PHLDB1: variants seen among roughly 807,000 people sequenced by gnomAD.
PHLDB1 encodes the protein pleckstrin homology-like domain family B member 1.
In PHLDB1, 65 loss-of-function variants were observed where a neutral mutation model predicts 139.3. The ratio of observed to expected loss-of-function variants is 0.47; its 90% CI spans 0.38 to 0.57. PHLDB1 has a LOEUF of 0.57. PHLDB1 is among the 20% of genes least tolerant of loss of function. The probability of loss-of-function intolerance (pLI) is 0.00; values close to 1 mark genes in which losing one functional copy is unlikely to be tolerated. For missense variants in PHLDB1, 1,624 were observed against 1,839.7 expected, an observed-to-expected ratio of 0.88 and a Z score of 2.14; for synonymous variants, 679 against 734.5, an observed-to-expected ratio of 0.92 and a Z score of 1.22.
intron 7 of PHLDB1, 68 bp downstream of exon 7, chr11:118,631,547 G>A: frequency 7.6e-7 from 1 of 1,308,060 alleles, no homozygotes. Flanking sequence ...GGAGGCTGGT[G>A]TATCCAATGC....
At position 118,632,223 on chromosome 11, in the gene PHLDB1, A is replaced by C. The variant is rs1555111852; in HGVS notation, c.2306A>C (p.Glu769Ala). The change falls in exon 9 of 23, where the codon GAG (glutamate) becomes GCG (alanine). Residue 769 changes from glutamate to alanine, a missense_variant. Physicochemically the swap from Glu to Ala is moderately radical, Grantham distance 107. Coordinates refer to ENST00000600882, the MANE Select transcript of PHLDB1 (RefSeq NM_001144758.3). This position sits in a 1 kb window ranked among gnomAD's most constrained non-coding sequence, Gnocchi z 5.9. Reference protein sequence around the residue: ...REAERALLQKEQKAVDQLQEK... With the variant: ...REAERALLQKAQKAVDQLQEK... Reference sequence around the variant, plus strand: ...GCAGAGCGGGCACTGCTGCAGAAGGAGCAGAAGGCAGTGGATCAGCTGCAG... The same window carrying C: ...GCAGAGCGGGCACTGCTGCAGAAGGCGCAGAAGGCAGTGGATCAGCTGCAG... 1 of 1,614,020 alleles carries C rather than the reference A, an allele frequency of 6.2e-7. No homozygotes were observed. The highest frequency in any genetic ancestry group is 2.2e-5 in the East Asian group (1 of 44,878).
intron 5 of PHLDB1, 128 bp downstream of exon 5, chr11:118,625,187 T>C: frequency 7.2e-6 from 8 of 1,104,262 alleles, no homozygotes; most frequent in Non-Finnish European, 1.0e-5. Context: ...CACTGCCACC[T>C]GCCATGGGCG....
intron 12 of PHLDB1, chr11:118,639,527 G>T: frequency 2.0e-6 from 1 of 488,664 alleles, no homozygotes; most frequent in Non-Finnish European, 3.7e-6. Context: ...CCTGGGTTGG[G>T]TGGGTAGACA....
chr11:118,641,782 A>T lies in PHLDB1; in HGVS notation c.2737-472A>T, dbSNP rs1050874597. 1.4e-5 allele frequency: 18 copies of T among 1,287,806 alleles called. No homozygotes were observed. In the African/African-American group the frequency reaches 2.6e-4, roughly 18 times the overall value. The allele number at this position is 1,287,806 out of a possible 1,614,324, so 79.8% of individuals were successfully genotyped here. A position where few individuals can be genotyped will look rare whatever the true frequency, so the allele number is the denominator to read the frequency against. Reference sequence around the variant, plus strand: ...GTTCGCTTCCATCACGCCTTCACCTAAGGTTGGTGGTTTGTGAGTTCTTGC... The same window carrying T: ...GTTCGCTTCCATCACGCCTTCACCTTAGGTTGGTGGTTTGTGAGTTCTTGC... On this transcript the variant is annotated intron_variant, in intron 12 of 22. Transcript: ENST00000600882.
chr11:118,649,784 T>G (rs1302839162), intron 18 of PHLDB1, among the ~76,000 whole-genome samples: 1 of 152,174 alleles, frequency 6.6e-6, no homozygotes, highest in Non-Finnish European at 1.5e-5. Flanking sequence ...TGTATTCTCT[T>G]TGGCTCAGGA....
intron 1 of PHLDB1, among the ~76,000 whole-genome samples, chr11:118,609,763 C>T (rs1249852460): frequency 6.6e-6 from 1 of 152,244 alleles, no homozygotes; most frequent in Non-Finnish European, 1.5e-5. Flanking sequence ...CCCAACACTG[C>T]GGCCTTGTCC....
Position 118,613,556 on chromosome 11 carries a change from TG to T in PHLDB1, c.-21-257del, listed in dbSNP as rs1326388714. On this transcript the variant is annotated intron_variant, in intron 1 of 22. Coordinates refer to ENST00000600882, the MANE Select transcript of PHLDB1 (RefSeq NM_001144758.3). ...GGCAAGAAAGCACAGAAGTATAGAT[TG>T]GGCCCTATGGGACTGTTTGTGCTTA... 4.0e-6 allele frequency: 3 copies of T among 751,230 alleles called. No individual in the cohort carries two copies. In the East Asian group the frequency reaches 1.6e-4, roughly 40 times the overall value. 46.5% of individuals were successfully genotyped at this position (751,230 alleles called of 1,614,324 possible). A position where few individuals can be genotyped will look rare whatever the true frequency, so the allele number is the denominator to read the frequency against.
At position 118,657,941 on chromosome 11, in the gene PHLDB1, T is replaced by G; in HGVS notation, c.*1118T>G. 1.2e-5 allele frequency: 3 copies of G among 251,902 alleles called. No homozygotes were observed. Among genetic ancestry groups the G allele is most frequent in the East Asian group, 8.3e-5 (1 of 12,032 alleles). 15.6% of individuals were successfully genotyped at this position (251,902 alleles called of 1,614,324 possible). Reference sequence around the variant, plus strand: ...ACCTCCCCTGCTCTCCTTCCCAGCATTGAGCCCTTGGTTGCCTGGGCCCAG... The same window carrying G: ...ACCTCCCCTGCTCTCCTTCCCAGCAGTGAGCCCTTGGTTGCCTGGGCCCAG... On this transcript the variant is annotated 3_prime_UTR_variant, in exon 23 of 23. Coordinates refer to ENST00000600882, the MANE Select transcript of PHLDB1 (RefSeq NM_001144758.3).
In PHLDB1 at chr11:118,614,672, G is replaced by A. The variant is rs145504206; in HGVS notation, c.174G>A (p.Pro58=). The change falls in exon 3 of 23, where the codon CCG becomes CCA. Residue 58 remains proline (P), a synonymous_variant. Coordinates refer to ENST00000600882, the MANE Select transcript of PHLDB1 (RefSeq NM_001144758.3). ...TCAGCACAGCCATCACCCTCCTGCC[G>A]CTGGAGGAAGGTAAGTGTGAACAGG... ...GRLSTAITLL[P]LEEGRTVIGS... 1.4e-5 allele frequency: 22 copies of A among 1,613,536 alleles called. No individual in the cohort carries two copies. The highest frequency in any genetic ancestry group is 6.7e-5 in the Admixed American group (4 of 59,958).
At chr11:118,633,398 C>G (rs1591619387) in intron 9 of PHLDB1, 1 of 152,228 alleles carries the variant, frequency 6.6e-6, no homozygotes, top group African/African-American at 2.4e-5. Flanking sequence ...ATTGGAAATG[C>G]CTAGGCTGCT....
intron 1 of PHLDB1, 137 bp from the exon 2 acceptor site, chr11:118,613,679 A>G (rs1940967856): frequency 8.1e-6 from 5 of 618,112 alleles, no homozygotes; most frequent in Non-Finnish European, 1.4e-5. Context: ...AGCTGCCTCT[A>G]TTTCCCTTCA....
At chr11:118,648,115 G>A (rs782485134) in intron 18 of PHLDB1, 39 bp downstream of exon 18, 30 of 1,596,898 alleles carry the variant, frequency 1.9e-5, no homozygotes, top group South Asian at 1.8e-4. Flanking sequence ...TTGGTTTGAC[G>A]GTGAGGGCTG....
At chr11:118,634,655 C>T (rs1427002670) in intron 9 of PHLDB1, 1 of 209,460 alleles carries the variant, frequency 4.8e-6, no homozygotes, top group African/African-American at 2.4e-5. Context: ...GTGTTACCTT[C>T]AGCTCCTGGC....
intron 4 of PHLDB1, among the ~76,000 whole-genome samples, chr11:118,622,608 T>C (rs1335921833): frequency 6.6e-6 from 1 of 152,118 alleles, no homozygotes; most frequent in African/African-American, 2.4e-5. Flanking sequence ...ACTGCTGGGC[T>C]GGAATCCACT....
In PHLDB1 at chr11:118,644,056, C is replaced by T; in HGVS notation, c.3019-16C>T. 6.2e-7 allele frequency: 1 copy of T among 1,612,876 alleles called. No individual in the cohort carries two copies. Among genetic ancestry groups the T allele is most frequent in the Non-Finnish European group, 8.5e-7 (1 of 1,179,090 alleles). ...GGCCTTCTGAGCCCAGGTCCGAACT[C>T]TCCATTCCTCTGCAGAGCGCTCTAC... On this transcript the variant is annotated splice_polypyrimidine_tract_variant and intron_variant, in intron 14 of 22. Coordinates refer to ENST00000600882, the MANE Select transcript of PHLDB1 (RefSeq NM_001144758.3).
chr11:118,631,991 G>A lies in PHLDB1; in HGVS notation c.2179G>A (p.Val727Met), dbSNP rs146570418. ...EEERAQVLGH[V>M]EQLKVRVKEL... Reference sequence around the variant, plus strand: ...AGAGCGGGCTCAGGTGCTGGGGCACGTGGAGCAGCTCAAGGTCCGTGTGAA... The same window carrying A: ...AGAGCGGGCTCAGGTGCTGGGGCACATGGAGCAGCTCAAGGTCCGTGTGAA... Residue 727 changes from valine to methionine, a missense_variant, in exon 8 of 23, where the codon GTG becomes ATG. By Grantham distance (21) the Val-to-Met change is conservative (BLOSUM62 1). Coordinates refer to ENST00000600882, the MANE Select transcript of PHLDB1 (RefSeq NM_001144758.3). The A allele has an allele frequency of 9.3e-5, 150 of 1,614,004 alleles. 1 individual carries two copies. The highest frequency in any genetic ancestry group is 1.6e-4 in the Middle Eastern group (1 of 6,084).
chr11:118,631,117 C>T, intron 6 of PHLDB1, 90 bp from the exon 7 acceptor site: 1 of 1,186,612 alleles, frequency 8.4e-7, no homozygotes, highest in Non-Finnish European at 1.1e-6. Flanking sequence ...TAACCCTGCT[C>T]TCCCTCCTGA....
At chr11:118,644,612 C>G (rs1044157293) in intron 15 of PHLDB1, 4 of 1,272,612 alleles carry the variant, frequency 3.1e-6, no homozygotes, top group Admixed American at 2.4e-5. Context: ...CTCTGTGTCT[C>G]TACCGTACCC....
intron 9 of PHLDB1, chr11:118,635,046 A>C (rs1555114225): frequency 2.0e-6 from 1 of 497,432 alleles, no homozygotes; most frequent in Non-Finnish European, 3.9e-6. Flanking sequence ...GGAGCAGCTG[A>C]GAAGGGTCAG....
Sources: allele counts gnomAD v4.1 joint callset (sites outside exome capture counted in the v4.1 genomes callset), GRCh38; gene constraint gnomAD v4.1.1; non-coding constraint Gnocchi (gnomAD v3.1); transcripts MANE v1.5; gene names NCBI Gene and HGNC (gene_info 2026-07-23, HGNC 2026-07-21).